RABGAP1L: variants seen among roughly 807,000 people sequenced by gnomAD.
The protein encoded by RABGAP1L is RAB GTPase activating protein 1 like.
Under a neutral mutation model 137.7 loss-of-function variants are expected in RABGAP1L, and 63 were observed. That is an observed-to-expected ratio of 0.46 (90% CI 0.37 to 0.56). The LOEUF is 0.56. RABGAP1L is among the 20% of genes least tolerant of loss of function. The probability of loss-of-function intolerance (pLI) is 0.00; values close to 1 mark genes in which losing one functional copy is unlikely to be tolerated. For missense variants in RABGAP1L, 1,095 were observed against 1,244.0 expected, an observed-to-expected ratio of 0.88 and a Z score of 1.80; for synonymous variants, 431 against 433.7, an observed-to-expected ratio of 0.99 and a Z score of 0.08.
At position 174,395,295 on chromosome 1, in the gene RABGAP1L, T is replaced by A. The variant is rs527274695; in HGVS notation, c.1710+1150T>A. ...TGCAGTTTGCATGTGTTAGATTAAG[T>A]GGATTTACAGGTTATCTAGATGTAA... On this transcript the variant is annotated intron_variant, in intron 13 of 25. Transcript: ENST00000681986. Among the ~76,000 whole-genome samples, 4 of 152,280 alleles carry A rather than the reference T, an allele frequency of 2.6e-5. No individual in the cohort carries two copies. The South Asian group carries it at 8.3e-4, about 32-fold the overall frequency.
chr1:174,763,175 AT>A (rs1283010722), intron 18 of RABGAP1L, among the ~76,000 whole-genome samples: 2 of 151,714 alleles, frequency 1.3e-5, no homozygotes, highest in African/African-American at 2.4e-5. Flanking sequence ...AGCTTCTCTC[AT>A]TTTCATTATT....
intron 7 of RABGAP1L, among the ~76,000 whole-genome samples, chr1:174,267,221 T>A (rs1011201589): frequency 3.9e-5 from 6 of 152,118 alleles, no homozygotes; most frequent in Non-Finnish European, 8.8e-5. Context: ...TTATCTCAAT[T>A]TTGGGAGAAA....
chr1:174,989,512 A>T, intron 25 of RABGAP1L, among the ~76,000 whole-genome samples: 1 of 152,202 alleles, frequency 6.6e-6, no homozygotes, highest in East Asian at 1.9e-4. Flanking sequence ...CTATCAGTAA[A>T]AATTCATCCA....
chr1:174,327,994 T>TATATATATATATATACATAC (rs1680663727), intron 11 of RABGAP1L, among the ~76,000 whole-genome samples: 5 of 77,394 alleles, frequency 6.5e-5, no homozygotes, highest in African/African-American at 3.3e-4. Context: ...CACATATATA[T>TATATATATATATATACATAC]ATATATATAT....
intron 18 of RABGAP1L, among the ~76,000 whole-genome samples, chr1:174,784,968 A>C (rs1179262809): frequency 3.3e-5 from 5 of 152,254 alleles, no homozygotes; most frequent in African/African-American, 9.6e-5. Context: ...TATTCTCAGT[A>C]GCATTTAAAT....
At chr1:174,581,300 C>T (rs1275635155) in intron 13 of RABGAP1L, among the ~76,000 whole-genome samples, 1 of 152,152 alleles carries the variant, frequency 6.6e-6, no homozygotes, top group Non-Finnish European at 1.5e-5. Flanking sequence ...AGAAATAACT[C>T]ATCCATTCAT....
At chr1:174,788,395 A>G (rs1305412025) in intron 18 of RABGAP1L, among the ~76,000 whole-genome samples, 3 of 152,194 alleles carry the variant, frequency 2.0e-5, no homozygotes, top group African/African-American at 7.2e-5. Flanking sequence ...AACCACCTGT[A>G]CTTTAGAAAG....
intron 12 of RABGAP1L, among the ~76,000 whole-genome samples, chr1:174,387,196 G>T (rs1354299334): frequency 1.3e-5 from 2 of 152,094 alleles, no homozygotes; most frequent in Non-Finnish European, 2.9e-5. Context: ...CACATTTCTT[G>T]ACCACTTTTT....
At chr1:174,934,378 C>G (rs993751204) in intron 19 of RABGAP1L, among the ~76,000 whole-genome samples, 1 of 152,130 alleles carries the variant, frequency 6.6e-6, no homozygotes, top group African/African-American at 2.4e-5. Context: ...TGAGCCACCA[C>G]GCCCGGCCGA....
chr1:174,615,224 C>G (rs1470562536), intron 13 of RABGAP1L, among the ~76,000 whole-genome samples: 2 of 152,152 alleles, frequency 1.3e-5, no homozygotes, highest in Non-Finnish European at 2.9e-5. Context: ...TACTTTTGGT[C>G]TTTGATGATG....
rs541330775 is a variant in RABGAP1L at position 174,284,190 on chromosome 1, C to T, written c.1323+5411C>T. On this transcript the variant is annotated intron_variant, in intron 10 of 25. Coordinates refer to ENST00000681986, the MANE Select transcript of RABGAP1L (RefSeq NM_001366446.1). ...AATACAATATTGTTAACTATAGTCA[C>T]CATGGAACATATTCATCTTATAACT... Among the ~76,000 whole-genome samples the T allele has an allele frequency of 7.2e-5, 11 of 152,304 alleles. 1 individual carries two copies. The highest frequency in any genetic ancestry group is 7.2e-4 in the Admixed American group (11 of 15,302).
At position 174,551,025 on chromosome 1, in the gene RABGAP1L, T is replaced by C. The variant is rs976576002; in HGVS notation, c.1711-86350T>C. On this transcript the variant is annotated intron_variant, in intron 13 of 25. Transcript: ENST00000681986. ...ATATATATATATATATATATATACA[T>C]ACACACACACACATATATATATACA... Among the ~76,000 whole-genome samples, 170 of 117,800 alleles carry C rather than the reference T, an allele frequency of 1.4e-3. 8 individuals carry two copies. Among genetic ancestry groups the C allele is most frequent in the African/African-American group, 5.3e-3 (146 of 27,478 alleles). 77.3% of individuals were successfully genotyped at this position (117,800 alleles called of 152,430 possible).
chr1:174,534,711 G>A (rs1361514751), intron 13 of RABGAP1L, among the ~76,000 whole-genome samples: 2 of 141,372 alleles, frequency 1.4e-5, no homozygotes, highest in Admixed American at 7.7e-5. Context: ...GGAAGCAGAG[G>A]TTGCAGTGAG....
At chr1:174,809,701 C>A (rs1295258165) in intron 18 of RABGAP1L, among the ~76,000 whole-genome samples, 2 of 152,182 alleles carry the variant, frequency 1.3e-5, no homozygotes, top group African/African-American at 4.8e-5. Context: ...ACCCTGGAAG[C>A]AGTTTGTCTG....
intron 19 of RABGAP1L, among the ~76,000 whole-genome samples, chr1:174,849,090 G>A (rs1012210178): frequency 1.7e-4 from 26 of 152,280 alleles, no homozygotes; most frequent in African/African-American, 5.3e-4. Context: ...TTCGGCTCGC[G>A]CACGGTGCGT....
At chr1:174,334,159 A>G (rs1169480617) in intron 11 of RABGAP1L, among the ~76,000 whole-genome samples, 1 of 152,204 alleles carries the variant, frequency 6.6e-6, no homozygotes, top group Non-Finnish European at 1.5e-5. Context: ...TTTCTGTTGT[A>G]TGAAGGGAAT....
intron 17 of RABGAP1L, among the ~76,000 whole-genome samples, chr1:174,743,272 CATT>C (rs1275810780): frequency 3.9e-5 from 6 of 152,126 alleles, no homozygotes; most frequent in Non-Finnish European, 5.9e-5. Flanking sequence ...GCCCTCATCT[CATT>C]ATCTGGATAT....
At chr1:174,759,853 A>G (rs1685084444) in intron 18 of RABGAP1L, among the ~76,000 whole-genome samples, 1 of 142,868 alleles carries the variant, frequency 7.0e-6, no homozygotes, top group African/African-American at 2.6e-5. Context: ...GGGGATGGCA[A>G]TAAGCCATTC....
chr1:174,903,509 G>A (rs962726368), intron 19 of RABGAP1L, among the ~76,000 whole-genome samples: 1 of 152,186 alleles, frequency 6.6e-6, no homozygotes, highest in Non-Finnish European at 1.5e-5. Context: ...GTGCATATGG[G>A]AAAATAAAAT....
Sources: allele counts gnomAD v4.1 joint callset (sites outside exome capture counted in the v4.1 genomes callset), GRCh38; gene constraint gnomAD v4.1.1; transcripts MANE v1.5; gene names NCBI Gene and HGNC (gene_info 2026-07-23, HGNC 2026-07-21).